GATAD2B: variants seen among roughly 807,000 people sequenced by gnomAD.
The protein encoded by GATAD2B is GATA zinc finger domain containing 2B, also known as transcriptional repressor p66-beta.
A neutral mutation model predicts 64.3 loss-of-function variants in GATAD2B; 8 were observed. That is an observed-to-expected ratio of 0.12 (90% CI 0.07 to 0.22). GATAD2B has a LOEUF of 0.22. GATAD2B is among the 10% of genes least tolerant of loss of function. GATAD2B has a pLI of 1.00. For missense variants in GATAD2B, 453 were observed against 752.0 expected, an observed-to-expected ratio of 0.60 and a Z score of 4.65; for synonymous variants, 281 against 271.3, an observed-to-expected ratio of 1.04 and a Z score of -0.35.
At chr1:153,837,861 A>C (rs1254578512) in intron 1 of GATAD2B, among the ~76,000 whole-genome samples, 1 of 152,238 alleles carries the variant, frequency 6.6e-6, no homozygotes, top group African/African-American at 2.4e-5. Context: ...ATTGCCTTTT[A>C]ATGCCTAACC....
chr1:153,919,444 G>C (rs1385798748), intron 1 of GATAD2B, among the ~76,000 whole-genome samples: 5 of 151,990 alleles, frequency 3.3e-5, no homozygotes, highest in African/African-American at 1.2e-4. Context: ...CATGAGGAGG[G>C]GTCTGTTTCA....
At chr1:153,854,967 G>A (rs1185821777) in intron 1 of GATAD2B, among the ~76,000 whole-genome samples, 3 of 152,096 alleles carry the variant, frequency 2.0e-5, no homozygotes, top group Non-Finnish European at 4.4e-5. Flanking sequence ...TAAAAAAAAA[G>A]AGGTGGTGAT....
Position 153,822,518 on chromosome 1 carries a change from CTG to C in GATAD2B, c.336-2785_336-2784del, listed in dbSNP as rs758069363. On this transcript the variant is annotated intron_variant, in intron 2 of 10. Transcript: ENST00000368655. ...CAGATAAGGCAAAGCCAAAGCCTCT[CTG>C]TTTTTCTTTTGAGTCGGAGTCTTGC... Among the ~76,000 whole-genome samples, 12 of 152,242 alleles carry C rather than the reference CTG, an allele frequency of 7.9e-5. No homozygotes were observed. The East Asian group carries it at 2.1e-3, about 27-fold the overall frequency.
chr1:153,849,055 G>C (rs1675792679), intron 1 of GATAD2B, among the ~76,000 whole-genome samples: 1 of 151,882 alleles, frequency 6.6e-6, no homozygotes, highest in African/African-American at 2.4e-5. Context: ...TAGAGATGGA[G>C]TCTCTCCATG....
At chr1:153,899,519 G>A (rs557598932) in intron 1 of GATAD2B, among the ~76,000 whole-genome samples, 2 of 150,318 alleles carry the variant, frequency 1.3e-5, no homozygotes. Context: ...GTGAGCCCAA[G>A]ATCGCGCCAT....
chr1:153,809,960 G>A lies in GATAD2B; in HGVS notation c.*217C>T. On this transcript the variant is annotated 3_prime_UTR_variant, in exon 11 of 11. Coordinates refer to ENST00000368655, the MANE Select transcript of GATAD2B (RefSeq NM_020699.4). ...AAAACTGAAGAGAGAAGACAGAGCG[G>A]CAGAAGAACAGATCGCAGCAGTGTG... 2.1e-6 allele frequency: 1 copy of A among 481,970 alleles called. No homozygotes were observed. The highest frequency in any genetic ancestry group is 3.6e-6 in the Non-Finnish European group (1 of 274,110). The allele number at this position is 481,970 out of a possible 1,614,324, so 29.9% of individuals were successfully genotyped here.
chr1:153,826,967 C>G (rs1247614034), intron 2 of GATAD2B, among the ~76,000 whole-genome samples: 1 of 149,292 alleles, frequency 6.7e-6, no homozygotes, highest in African/African-American at 2.5e-5. Context: ...AAAAAACTGG[C>G]TGGATGCTGT....
intron 3 of GATAD2B, 93 bp downstream of exon 3, chr1:153,819,513 G>A: frequency 1.1e-6 from 1 of 923,434 alleles, no homozygotes; most frequent in Admixed American, 2.5e-5. Flanking sequence ...TATCCAAAGA[G>A]TAAATAGTCA....
intron 2 of GATAD2B, among the ~76,000 whole-genome samples, chr1:153,824,135 G>C (rs1413214699): frequency 6.6e-6 from 1 of 152,144 alleles, no homozygotes; most frequent in Non-Finnish European, 1.5e-5. Context: ...ACCCCATGTT[G>C]GGTACAGCGG....
chr1:153,868,049 A>C (rs1179969826), intron 1 of GATAD2B, among the ~76,000 whole-genome samples: 1 of 151,644 alleles, frequency 6.6e-6, no homozygotes, highest in Non-Finnish European at 1.5e-5. Context: ...AAAAGTACAA[A>C]AATTAGCCAG....
chr1:153,875,305 G>A (rs1676790039), intron 1 of GATAD2B, among the ~76,000 whole-genome samples: 1 of 151,960 alleles, frequency 6.6e-6, no homozygotes, highest in East Asian at 1.9e-4. Flanking sequence ...CACAATGGAA[G>A]AACTGTCTTG....
At chr1:153,821,823 C>T (rs1674695146) in intron 2 of GATAD2B, among the ~76,000 whole-genome samples, 1 of 151,330 alleles carries the variant, frequency 6.6e-6, no homozygotes, top group Non-Finnish European at 1.5e-5. Flanking sequence ...GCCTTGGCCT[C>T]CCAAAGTGTT....
chr1:153,817,941 T>A, intron 5 of GATAD2B, 99 bp downstream of exon 5: 1 of 1,080,496 alleles, frequency 9.3e-7, no homozygotes, highest in Non-Finnish European at 1.3e-6. Context: ...AACACCTCTA[T>A]CATGGCCAGG....
chr1:153,915,907 A>G (rs1330556746), intron 1 of GATAD2B, among the ~76,000 whole-genome samples: 1 of 152,208 alleles, frequency 6.6e-6, no homozygotes, highest in Non-Finnish European at 1.5e-5. Context: ...GGAAACTACT[A>G]AATACTTTTA....
At chr1:153,893,926 T>A (rs950129106) in intron 1 of GATAD2B, among the ~76,000 whole-genome samples, 4 of 125,568 alleles carry the variant, frequency 3.2e-5, no homozygotes, top group African/African-American at 1.2e-4. Context: ...CCACTGCACT[T>A]GGCCTGGGTG....
intron 1 of GATAD2B, among the ~76,000 whole-genome samples, chr1:153,829,263 T>G (rs1194970098): frequency 1.3e-5 from 2 of 152,138 alleles, no homozygotes; most frequent in African/African-American, 2.4e-5. Flanking sequence ...CTCCAACACT[T>G]TCAAATCCAG....
rs1293719262 is a variant in GATAD2B, at chr1:153,810,118, G to GA, written c.*58dup. 1.7e-5 allele frequency: 26 copies of GA among 1,526,042 alleles called. No individual in the cohort carries two copies. Among genetic ancestry groups the GA allele is most frequent in the Non-Finnish European group, 2.0e-5 (23 of 1,122,878 alleles). The allele number at this position is 1,526,042 out of a possible 1,614,324, so 94.5% of individuals were successfully genotyped here. Reference sequence around the variant, plus strand: ...GCACTGCATGCGACAGAAGTTGGGGGAATGAAAGAGGAAAGGGATAAAGGA... The same window carrying GA: ...GCACTGCATGCGACAGAAGTTGGGGGAAATGAAAGAGGAAAGGGATAAAGGA... On this transcript the variant is annotated 3_prime_UTR_variant, in exon 11 of 11. Coordinates refer to ENST00000368655, the MANE Select transcript of GATAD2B (RefSeq NM_020699.4).
intron 1 of GATAD2B, among the ~76,000 whole-genome samples, chr1:153,905,832 C>T (rs1291249714): frequency 2.3e-4 from 35 of 151,092 alleles, no homozygotes; most frequent in African/African-American, 8.2e-4. Context: ...TTTGGGAGGC[C>T]GAGGTGGGCA....
In GATAD2B at chr1:153,818,920, C is replaced by T. The variant is rs1674578759; in HGVS notation, c.468G>A (p.Gly156=). 6.2e-7 allele frequency: 1 copy of T among 1,609,492 alleles called. No individual in the cohort carries two copies. Among genetic ancestry groups the T allele is most frequent in the African/African-American group, 1.3e-5 (1 of 75,008 alleles). ...LKAANLEMFK[G]KGIEERQQLI... is the part of the protein sequence containing the mutation. Reference sequence around the variant, plus strand: ...GCTGCTGCCGCTCCTCAATGCCTTTCCCCTAAGGAAACAAGAAGACTTTCA... The same window carrying T: ...GCTGCTGCCGCTCCTCAATGCCTTTTCCCTAAGGAAACAAGAAGACTTTCA... Residue 156 remains glycine, a splice_region_variant and synonymous_variant, in exon 4 of 11, where the codon GGG becomes GGA. Transcript: ENST00000368655.
Sources: allele counts gnomAD v4.1 joint callset (sites outside exome capture counted in the v4.1 genomes callset), GRCh38; gene constraint gnomAD v4.1.1; transcripts MANE v1.5; gene names NCBI Gene and HGNC (gene_info 2026-07-23, HGNC 2026-07-21).